NRXN3: variants seen among roughly 807,000 people sequenced by gnomAD.
NRXN3 encodes neurexin 3, also known as neurexin III.
Under a neutral mutation model 137.6 loss-of-function variants are expected in NRXN3, and 32 were observed. The ratio of observed to expected loss-of-function variants is 0.23; its 90% CI spans 0.18 to 0.31. NRXN3 has a LOEUF of 0.31. NRXN3 is among the 10% of genes least tolerant of loss of function. NRXN3 has a pLI of 1.00. For synonymous variants in NRXN3, 798 were observed against 784.5 expected (o/e 1.02, Z -0.29); for missense variants, 1,574 against 2,062.5 (o/e 0.76, Z 4.59).
At chr14:78,373,936 A>G (rs1025876931) in intron 4 of NRXN3, among the ~76,000 whole-genome samples, 1 of 152,200 alleles carries the variant, frequency 6.6e-6, no homozygotes, top group East Asian at 1.9e-4. Flanking sequence ...TATTCTTTTT[A>G]AAAAATATTG....
intron 15 of NRXN3, among the ~76,000 whole-genome samples, chr14:79,037,106 G>C (rs566307234): frequency 6.6e-6 from 1 of 152,162 alleles, no homozygotes; most frequent in African/African-American, 2.4e-5. Context: ...GAAAGAGGAA[G>C]GGAGTGCTCT....
chr14:79,285,714 C>T (rs1042826000), intron 15 of NRXN3, among the ~76,000 whole-genome samples: 5 of 152,090 alleles, frequency 3.3e-5, no homozygotes, highest in African/African-American at 9.7e-5. Context: ...CCCTAAAAGC[C>T]TCATTTTAAC....
intron 20 of NRXN3, among the ~76,000 whole-genome samples, chr14:79,822,474 T>G (rs2099275538): frequency 6.6e-6 from 1 of 152,148 alleles, no homozygotes; most frequent in African/African-American, 2.4e-5. Flanking sequence ...AAAATAAAGG[T>G]TGGCAATGGT....
At chr14:79,605,831 C>G (rs28409072) in intron 16 of NRXN3, among the ~76,000 whole-genome samples, 3,461 of 152,202 alleles carry the variant, frequency 0.023, 146 homozygotes, top group African/African-American at 0.079. Context: ...CAACACCCTG[C>G]GTATGCCAAG....
At chr14:78,666,993 A>G (rs753758129) in intron 6 of NRXN3, among the ~76,000 whole-genome samples, 6 of 152,036 alleles carry the variant, frequency 3.9e-5, no homozygotes, top group Admixed American at 6.6e-5. Context: ...TTTCTTCTAT[A>G]ACTTGTTTAT....
intron 15 of NRXN3, among the ~76,000 whole-genome samples, chr14:79,194,000 T>A (rs1236611987): frequency 6.6e-6 from 1 of 152,184 alleles, no homozygotes; most frequent in Non-Finnish European, 1.5e-5. Flanking sequence ...AACTTGAAAA[T>A]CAGAAGTGTT....
At position 78,370,493 on chromosome 14, in the gene NRXN3, T is replaced by C. The variant is rs149625744; in HGVS notation, c.757+72633T>C. ...TTTACTTCATTTGTGATAGCACTTA[T>C]ATAAGGTTGTATCATTATTTGTTTT... On this transcript the variant is annotated intron_variant, in intron 4 of 20. Coordinates refer to ENST00000335750, the MANE Select transcript of NRXN3 (RefSeq NM_001330195.2). Among the ~76,000 whole-genome samples, 94 of 152,320 alleles carry C rather than the reference T, an allele frequency of 6.2e-4. 2 individuals carry two copies. The East Asian group carries it at 0.017, about 28-fold the overall frequency.
chr14:79,169,471 C>CA (rs112442450), intron 15 of NRXN3, among the ~76,000 whole-genome samples: 4 of 151,794 alleles, frequency 2.6e-5, no homozygotes, highest in Admixed American at 6.6e-5. Context: ...ACTCCAATGA[C>CA]AAAAAAAATC....
At chr14:78,360,999 C>T (rs1419979376) in intron 4 of NRXN3, among the ~76,000 whole-genome samples, 1 of 152,200 alleles carries the variant, frequency 6.6e-6, no homozygotes, top group Non-Finnish European at 1.5e-5. Context: ...TCAGCTGATG[C>T]TCCTCAGCCA....
At chr14:79,671,218 G>A (rs560416437) in intron 17 of NRXN3, among the ~76,000 whole-genome samples, 1 of 152,230 alleles carries the variant, frequency 6.6e-6, no homozygotes, top group South Asian at 2.1e-4. Flanking sequence ...TTTGGGAAAT[G>A]CTGGTATTCA....
chr14:79,330,052 G>T (rs950617510), intron 15 of NRXN3, among the ~76,000 whole-genome samples: 3 of 151,960 alleles, frequency 2.0e-5, no homozygotes, highest in African/African-American at 7.3e-5. Context: ...GGATGATCTT[G>T]ATCTCTTGAC....
At chr14:78,998,756 G>A (rs1006411356) in intron 15 of NRXN3, among the ~76,000 whole-genome samples, 5 of 145,392 alleles carry the variant, frequency 3.4e-5, no homozygotes, top group African/African-American at 1.3e-4. Flanking sequence ...CAGCCACCAT[G>A]CCCAGCTTTT....
intron 2 of NRXN3, among the ~76,000 whole-genome samples, chr14:78,271,625 C>T (rs2072765306): frequency 6.6e-6 from 1 of 152,194 alleles, no homozygotes; most frequent in Non-Finnish European, 1.5e-5. Flanking sequence ...TGTTTGAGTA[C>T]AGCAGTGACC....
At chr14:79,061,734 G>A (rs1334063689) in intron 15 of NRXN3, among the ~76,000 whole-genome samples, 2 of 152,068 alleles carry the variant, frequency 1.3e-5, no homozygotes, top group Non-Finnish European at 2.9e-5. Context: ...AACCAAACTG[G>A]GTTATACACA....
chr14:78,532,818 A>G (rs904062621), intron 4 of NRXN3, among the ~76,000 whole-genome samples: 13 of 151,968 alleles, frequency 8.6e-5, no homozygotes, highest in African/African-American at 2.7e-4. Context: ...TTTTCATCCA[A>G]TGAATCATGC....
At position 79,670,893 on chromosome 14, in the gene NRXN3, G is replaced by A. The variant is rs536580577; in HGVS notation, c.3616+6944G>A. Among the ~76,000 whole-genome samples, 4 of 152,228 alleles carry A rather than the reference G, an allele frequency of 2.6e-5. No homozygotes were observed. In the South Asian group the frequency reaches 8.3e-4, roughly 32 times the overall value. Reference sequence around the variant, plus strand: ...TTACTTATGAAAGGTGAGAATAGGGGACTAAGAGATTTTCCATCTTGCTTT... The same window carrying A: ...TTACTTATGAAAGGTGAGAATAGGGAACTAAGAGATTTTCCATCTTGCTTT... On this transcript the variant is annotated intron_variant, in intron 17 of 20. Coordinates refer to ENST00000335750, the MANE Select transcript of NRXN3 (RefSeq NM_001330195.2).
intron 4 of NRXN3, among the ~76,000 whole-genome samples, chr14:78,562,952 C>T (rs1016444153): frequency 1.3e-5 from 2 of 152,074 alleles, no homozygotes; most frequent in African/African-American, 4.8e-5. Context: ...GAGTGTTTTT[C>T]CACTTTATGT....
chr14:79,084,076 A>C (rs1400150548), intron 15 of NRXN3, among the ~76,000 whole-genome samples: 3 of 151,378 alleles, frequency 2.0e-5, no homozygotes, highest in Non-Finnish European at 4.4e-5. Context: ...TGCCTGGTTA[A>C]TTTATTTATT....
intron 15 of NRXN3, among the ~76,000 whole-genome samples, chr14:79,420,038 C>T (rs939772190): frequency 6.6e-6 from 1 of 151,886 alleles, no homozygotes; most frequent in African/African-American, 2.4e-5. Flanking sequence ...AGAACCAGGA[C>T]CAGTAGATAG....
Sources: gnomAD v4.1 joint callset for allele counts (sites outside exome capture counted in the v4.1 genomes callset) on GRCh38, gnomAD v4.1.1 for gene constraint, MANE v1.5 for transcripts, NCBI Gene and HGNC (gene_info 2026-07-23, HGNC 2026-07-21) for gene names.